Variants in RAB3GAP2 observed in about 807,000 individuals in gnomAD.
The protein encoded by RAB3GAP2 is RAB3 GTPase activating non-catalytic protein subunit 2.
RAB3GAP2 carries 87 observed loss-of-function variants against 185.3 expected under a neutral mutation model. That is an observed-to-expected ratio of 0.47 (90% confidence interval 0.39 to 0.56). The LOEUF (loss-of-function observed/expected upper bound fraction) is 0.56. Ranked by LOEUF, RAB3GAP2 falls within the 20% of genes least tolerant of loss-of-function variation. RAB3GAP2 has a pLI of 0.00. For synonymous variants in RAB3GAP2, 554 were observed against 576.1 expected, an observed-to-expected ratio of 0.96 and a Z score of 0.55; for missense variants, 1,492 against 1,638.2, an observed-to-expected ratio of 0.91 and a Z score of 1.54.
intron 19 of RAB3GAP2, 76 bp downstream of exon 19, chr1:220,183,960 T>C: frequency 5.6e-6 from 7 of 1,256,478 alleles, no homozygotes; most frequent in Non-Finnish European, 7.6e-6. Context: ...ATTTTCTACT[T>C]CTTTACTACT....
chr1:220,235,507 AC>A (rs1449111759), intron 1 of RAB3GAP2, among the ~76,000 whole-genome samples: 1 of 152,242 alleles, frequency 6.6e-6, no homozygotes, highest in Non-Finnish European at 1.5e-5. Flanking sequence ...TCTCGAAAAG[AC>A]CATGCAGAAT....
intron 9 of RAB3GAP2, among the ~76,000 whole-genome samples, chr1:220,199,143 C>G (rs1052001101): frequency 2.0e-5 from 3 of 151,460 alleles, no homozygotes; most frequent in Non-Finnish European, 4.4e-5. Context: ...CGGTAAGGAG[C>G]AACCAGAAGA....
rs1178048736 is a variant in RAB3GAP2 at position 220,197,021 on chromosome 1, C to T, written c.812-623G>A. On this transcript the variant is annotated intron_variant, in intron 9 of 34. Coordinates refer to ENST00000358951, the MANE Select transcript of RAB3GAP2 (RefSeq NM_012414.4). ...TTAGTTTTTGAGATGGCGTCTCACC[C>T]TGTCGCCCAGGCTGGAGTGCAATGG... is the stretch of plus-strand genomic sequence containing the variant. Among the ~76,000 whole-genome samples the T allele has an allele frequency of 2.6e-5, 4 of 151,518 alleles. No individual in the cohort carries two copies. In the South Asian group the frequency reaches 6.3e-4, roughly 24 times the overall value.
At chr1:220,265,484 T>C (rs141468704) in intron 1 of RAB3GAP2, among the ~76,000 whole-genome samples, 5 of 152,096 alleles carry the variant, frequency 3.3e-5, no homozygotes, top group African/African-American at 7.2e-5. Context: ...TCTATTCATG[T>C]ATTTATTTAT....
chr1:220,228,092 G>A (rs543494662), intron 2 of RAB3GAP2, among the ~76,000 whole-genome samples: 1 of 152,268 alleles, frequency 6.6e-6, no homozygotes, highest in Non-Finnish European at 1.5e-5. Context: ...TTGACACACT[G>A]TAAGTTGACT....
intron 22 of RAB3GAP2, 65 bp from the exon 23 acceptor site, chr1:220,172,114 T>A (rs1658190269): frequency 6.6e-7 from 1 of 1,518,258 alleles, no homozygotes; most frequent in South Asian, 1.2e-5. Flanking sequence ...ACTAACCATT[T>A]ATGTTAAACA....
rs1028282459 is a variant in RAB3GAP2, at chr1:220,150,749, C to T, written c.*502G>A. The T allele has an allele frequency of 6.4e-6, 1 of 156,956 alleles. No homozygotes were observed. Among genetic ancestry groups the T allele is most frequent in the African/African-American group, 2.4e-5 (1 of 41,410 alleles). The allele number at this position is 156,956 out of a possible 1,614,324, so 9.7% of individuals were successfully genotyped here. On this transcript the variant is annotated 3_prime_UTR_variant, in exon 35 of 35. Transcript: ENST00000358951. The stretch of plus-strand genomic sequence containing the variant: ...TCTGGGAAAGGAACCTTTCGGTATC[C>T]AGAACTCCCAGGTGGCAGCCCAGTG...
intron 27 of RAB3GAP2, among the ~76,000 whole-genome samples, chr1:220,162,686 C>T (rs761247250): frequency 2.0e-5 from 3 of 152,186 alleles, no homozygotes; most frequent in African/African-American, 4.8e-5. Flanking sequence ...ACAGGGAAAA[C>T]TGCTGGGTGG....
At chr1:220,182,149 A>C (rs2102865099) in intron 21 of RAB3GAP2, 108 bp downstream of exon 21, 1 of 1,549,294 alleles carries the variant, frequency 6.5e-7, no homozygotes, top group Middle Eastern at 1.7e-4. Context: ...GTTTTCATGG[A>C]CATTCTGTGA....
At chr1:220,208,942 C>A (rs1659026926) in intron 7 of RAB3GAP2, among the ~76,000 whole-genome samples, 1 of 152,306 alleles carries the variant, frequency 6.6e-6, no homozygotes, top group Non-Finnish European at 1.5e-5. Context: ...GTCTCAAACT[C>A]CTGAGCTCAG....
At chr1:220,251,951 A>T (rs1218853021) in intron 1 of RAB3GAP2, among the ~76,000 whole-genome samples, 3 of 152,066 alleles carry the variant, frequency 2.0e-5, no homozygotes, top group African/African-American at 4.8e-5. Context: ...CAAATTCGAG[A>T]CCAGCCTAGG....
rs143869407 is a variant in RAB3GAP2 at position 220,227,651 on chromosome 1, C to T, written c.180+5148G>A. The stretch of plus-strand genomic sequence containing the variant: ...CCTGAAGAGCAAAACACACCATCTC[C>T]GTAACACCCGACTAATGCAGAAGAA... On this transcript the variant is annotated intron_variant, in intron 2 of 34. Coordinates refer to ENST00000358951, the MANE Select transcript of RAB3GAP2 (RefSeq NM_012414.4). Among the ~76,000 whole-genome samples the T allele has an allele frequency of 1.8e-3, 281 of 152,294 alleles. 2 individuals are homozygous for T. The highest frequency in any genetic ancestry group is 5.9e-3 in the African/African-American group (245 of 41,552).
At chr1:220,255,676 A>C (rs1464189344) in intron 1 of RAB3GAP2, among the ~76,000 whole-genome samples, 1 of 152,216 alleles carries the variant, frequency 6.6e-6, no homozygotes, top group Non-Finnish European at 1.5e-5. Flanking sequence ...GGAGGAAAGA[A>C]TCTCAGACCT....
Position 220,151,096 on chromosome 1 carries a change from G to C in RAB3GAP2, c.*155C>G. The C allele has an allele frequency of 1.4e-6, 1 of 710,354 alleles. No homozygotes were observed. Among genetic ancestry groups the C allele is most frequent in the Non-Finnish European group, 2.3e-6 (1 of 439,142 alleles). The allele number at this position is 710,354 out of a possible 1,614,324, so 44.0% of individuals were successfully genotyped here. A position where few individuals can be genotyped will look rare whatever the true frequency, so the allele number is the denominator to read the frequency against. On this transcript the variant is annotated 3_prime_UTR_variant, in exon 35 of 35. Transcript: ENST00000358951. ...AAAGGAGTGGAATTTAGCCAGGGTTGCACTTTTTAAAAGTTGTATATACTT... is the reference window on the plus strand; with the variant it reads ...AAAGGAGTGGAATTTAGCCAGGGTTCCACTTTTTAAAAGTTGTATATACTT...
At chr1:220,189,891 T>C in intron 16 of RAB3GAP2, 124 bp from the exon 17 acceptor site, 1 of 1,077,876 alleles carries the variant, frequency 9.3e-7, no homozygotes, top group African/African-American at 1.6e-5. Context: ...TCTCTCACAT[T>C]AATGTTTTCT....
chr1:220,213,196 G>A (rs1571904054), intron 3 of RAB3GAP2, among the ~76,000 whole-genome samples: 1 of 152,136 alleles, frequency 6.6e-6, no homozygotes, highest in East Asian at 1.9e-4. Context: ...AATTCAACCT[G>A]TATAATGTTG....
chr1:220,172,240 C>T (rs1420388663), intron 22 of RAB3GAP2, among the ~76,000 whole-genome samples, 191 bp from the exon 23 acceptor site: 1 of 152,056 alleles, frequency 6.6e-6, no homozygotes, highest in Non-Finnish European at 1.5e-5. Context: ...ATCTTTTAGT[C>T]ATCTTTGTTC....
At chr1:220,163,744 C>T (rs7546175) in intron 27 of RAB3GAP2, among the ~76,000 whole-genome samples, 49,262 of 123,012 alleles carry the variant, frequency 0.4, 11,125 homozygotes, top group Non-Finnish European at 0.51. Context: ...TAAATACATA[C>T]ATATATATAT....
chr1:220,162,328 TA>T, intron 27 of RAB3GAP2, 60 bp from the exon 28 acceptor site: 1 of 1,148,722 alleles, frequency 8.7e-7, no homozygotes, highest in Admixed American at 1.7e-5. Flanking sequence ...TTATTACACA[TA>T]AATTACTCTT....
Sources: gnomAD v4.1 joint callset for allele counts (sites outside exome capture counted in the v4.1 genomes callset) on GRCh38, gnomAD v4.1.1 for gene constraint, MANE v1.5 for transcripts, NCBI Gene and HGNC (gene_info 2026-07-23, HGNC 2026-07-21) for gene names.